The following NOX4 variants were observed in gnomAD, a reference collection of about 807,000 sequenced individuals.
NOX4 encodes kidney oxidase-1.
NOX4 carries 69 observed loss-of-function variants against 87.6 expected under a neutral mutation model. The observed-to-expected ratio is 0.79, with a 90% CI of 0.65 to 0.96. The LOEUF (loss-of-function observed/expected upper bound fraction) is 0.96. NOX4 is among the 40% of genes least tolerant of loss of function. The probability of loss-of-function intolerance (pLI) is 0.00; values close to 1 mark genes in which losing one functional copy is unlikely to be tolerated. For synonymous variants in NOX4, 275 were observed against 238.2 expected (o/e 1.15, Z -1.42); for missense variants, 680 against 681.5 (o/e 1.00, Z 0.02).
At chr11:89,427,050 C>A (rs1387113644) in intron 7 of NOX4, among the ~76,000 whole-genome samples, 1 of 152,174 alleles carries the variant, frequency 6.6e-6, no homozygotes, top group East Asian at 1.9e-4. Flanking sequence ...CAGGCAGCAA[C>A]ATTTGCTATT....
the NOX4 span, among the ~76,000 whole-genome samples, chr11:89,522,098 A>G: frequency 7.4e-4 from 112 of 152,294 alleles, no homozygotes; most frequent in African/African-American, 2.6e-3. Context: ...TTGTTCAGCC[A>G]CTCTGGAAAG....
chr11:89,456,258 G>C (rs1945193117), intron 2 of NOX4, among the ~76,000 whole-genome samples: 2 of 151,916 alleles, frequency 1.3e-5, no homozygotes, highest in African/African-American at 4.8e-5. Context: ...TCAAAAAGAA[G>C]TCTTGTGTGA....
chr11:89,409,744 A>C (rs541856417), intron 8 of NOX4, among the ~76,000 whole-genome samples: 22 of 152,236 alleles, frequency 1.4e-4, no homozygotes, highest in Non-Finnish European at 3.2e-4. Context: ...AAGTTAAAAA[A>C]ACTTTATATC....
At chr11:89,503,399 C>T in the NOX4 span, among the ~76,000 whole-genome samples, 1 of 151,866 alleles carries the variant, frequency 6.6e-6, no homozygotes, top group East Asian at 1.9e-4. Context: ...GCATGGGGAA[C>T]ATTGGAATAA....
intron 5 of NOX4, chr11:89,443,305 A>C (rs1294885676): frequency 6.6e-6 from 1 of 152,088 alleles, no homozygotes; most frequent in Non-Finnish European, 1.5e-5. Flanking sequence ...AAACCTAGAA[A>C]ACTCTGGTGA....
intron 11 of NOX4, among the ~76,000 whole-genome samples, chr11:89,396,431 A>T (rs1402821888): frequency 6.6e-6 from 1 of 152,124 alleles, no homozygotes; most frequent in Non-Finnish European, 1.5e-5. Context: ...TTCTAAATAT[A>T]CAATCATGTT....
chr11:89,461,454 C>T (rs1178510556), intron 2 of NOX4, among the ~76,000 whole-genome samples: 8 of 151,752 alleles, frequency 5.3e-5, no homozygotes, highest in African/African-American at 1.9e-4. Flanking sequence ...ACCATCCTGG[C>T]TAAGACAGTG....
intron 2 of NOX4, chr11:89,488,946 C>T (rs962690817): frequency 4.4e-5 from 31 of 699,440 alleles, no homozygotes; most frequent in Middle Eastern, 2.3e-4. Context: ...GAGGTGAGGT[C>T]TTACTCTCTG....
chr11:89,454,590 A>G (rs1945107686), intron 2 of NOX4, among the ~76,000 whole-genome samples: 1 of 152,168 alleles, frequency 6.6e-6, no homozygotes, highest in East Asian at 1.9e-4. Flanking sequence ...AAGAAAGTGT[A>G]ATTGCATATT....
intron 8 of NOX4, among the ~76,000 whole-genome samples, chr11:89,403,423 A>T (rs1272056819): frequency 6.6e-6 from 1 of 152,194 alleles, no homozygotes; most frequent in Non-Finnish European, 1.5e-5. Flanking sequence ...CTAAGGAAAA[A>T]TTTATTTCCA....
rs575593878 is a variant in NOX4 at position 89,426,543 on chromosome 11, T to C, written c.549-4561A>G. Among the ~76,000 whole-genome samples the C allele has an allele frequency of 1.6e-3, 243 of 152,166 alleles. 4 individuals carry two copies. Among genetic ancestry groups the C allele is most frequent in the Admixed American group, 2.2e-3 (33 of 15,278 alleles). Reference sequence around the variant, plus strand: ...CTACCCTAATACTGTGCTTTTCCAATGGTCTTAGCAAACGGCACACCAGGA... The same window carrying C: ...CTACCCTAATACTGTGCTTTTCCAACGGTCTTAGCAAACGGCACACCAGGA... On this transcript the variant is annotated intron_variant, in intron 7 of 17. Transcript: ENST00000263317.
Position 89,429,167 on chromosome 11 carries a change from A to C in NOX4, c.548+3617T>G, listed in dbSNP as rs931561727. Among the ~76,000 whole-genome samples the C allele has an allele frequency of 5.6e-4, 86 of 152,214 alleles. No homozygotes were observed. In the East Asian group the frequency reaches 0.015, roughly 27 times the overall value. On this transcript the variant is annotated intron_variant, in intron 7 of 17. Transcript: ENST00000263317. ...AGATATTCTTTGAAAACAATGAGAA[A>C]AAAGACACAACATACCAGAATCTCT...
chr11:89,343,190 C>T (rs1418123904), intron 13 of NOX4, among the ~76,000 whole-genome samples: 1 of 152,182 alleles, frequency 6.6e-6, no homozygotes, highest in Non-Finnish European at 1.5e-5. Flanking sequence ...AGACAAATAA[C>T]TTTTCCTCTC....
intron 13 of NOX4, among the ~76,000 whole-genome samples, chr11:89,348,494 G>A (rs1288429012): frequency 6.6e-6 from 1 of 151,696 alleles, no homozygotes; most frequent in Non-Finnish European, 1.5e-5. Flanking sequence ...GCACACACCT[G>A]TGGTCCCAGC....
At chr11:89,380,067 G>GGC (rs780703502) in intron 11 of NOX4, among the ~76,000 whole-genome samples, 1 of 152,186 alleles carries the variant, frequency 6.6e-6, no homozygotes, top group Non-Finnish European at 1.5e-5. Context: ...GAATTACAGA[G>GGC]TTAAAATCTG....
chr11:89,458,642 G>T (rs1340711364), intron 2 of NOX4, among the ~76,000 whole-genome samples: 1 of 152,042 alleles, frequency 6.6e-6, no homozygotes, highest in African/African-American at 2.4e-5. Context: ...AGTGGGGTAA[G>T]AACATCAAAA....
chr11:89,528,619 C>A, the NOX4 span, among the ~76,000 whole-genome samples: 1 of 152,314 alleles, frequency 6.6e-6, no homozygotes, highest in South Asian at 2.1e-4. Context: ...CCCCTCTTTA[C>A]TCAGCACTTC....
At chr11:89,517,106 A>C in the NOX4 span, among the ~76,000 whole-genome samples, 1 of 152,170 alleles carries the variant, frequency 6.6e-6, no homozygotes, top group South Asian at 2.1e-4. Flanking sequence ...ACTCTCCACC[A>C]TTACCAGAAA....
chr11:89,385,400 A>G (rs552634695), intron 11 of NOX4, among the ~76,000 whole-genome samples: 5 of 152,208 alleles, frequency 3.3e-5, no homozygotes, highest in Admixed American at 1.3e-4. Flanking sequence ...TCTGTTCCTC[A>G]TGGAAGTTTT....
Sources: gnomAD v4.1 joint callset for allele counts (sites outside exome capture counted in the v4.1 genomes callset) on GRCh38, gnomAD v4.1.1 for gene constraint, MANE v1.5 for transcripts, NCBI Gene and HGNC (gene_info 2026-07-23, HGNC 2026-07-21) for gene names.